The following LRRIQ3 variants were observed in gnomAD, a reference collection of about 807,000 sequenced individuals.
The protein encoded by LRRIQ3 is leucine-rich repeat and IQ domain-containing protein 3.
Under a neutral mutation model 59.3 loss-of-function variants are expected in LRRIQ3, and 75 were observed. The ratio of observed to expected loss-of-function variants is 1.26; its 90% CI spans 1.05 to 1.53. LRRIQ3 has a LOEUF of 1.53. Ranked by LOEUF, LRRIQ3 falls within the 40% of genes most tolerant of loss-of-function variation. The pLI is 0.00. For missense variants in LRRIQ3, 831 were observed against 710.0 expected (o/e 1.17, Z -1.94); for synonymous variants, 250 against 231.3 (o/e 1.08, Z -0.73).
intron 5 of LRRIQ3, among the ~76,000 whole-genome samples, chr1:74,099,319 A>C (rs2100536908): frequency 6.6e-6 from 1 of 152,308 alleles, no homozygotes; most frequent in African/African-American, 2.4e-5. Context: ...AAATGGATAA[A>C]TTCCTCGACC....
At chr1:74,194,868 A>C (rs1651000439) in intron 1 of LRRIQ3, among the ~76,000 whole-genome samples, 1 of 152,188 alleles carries the variant, frequency 6.6e-6, no homozygotes, top group African/African-American at 2.4e-5. Flanking sequence ...CATTAATTAA[A>C]ATTTAATTCT....
intron 4 of LRRIQ3, among the ~76,000 whole-genome samples, chr1:74,133,963 CTTTT>C (rs1029533083): frequency 6.6e-6 from 1 of 151,882 alleles, no homozygotes; most frequent in African/African-American, 2.4e-5. Flanking sequence ...ACACTCAATG[CTTTT>C]TTTAACTTTA....
intron 4 of LRRIQ3, among the ~76,000 whole-genome samples, chr1:74,145,342 T>C (rs972472909): frequency 6.6e-6 from 1 of 152,150 alleles, no homozygotes; most frequent in Admixed American, 6.5e-5. Flanking sequence ...GAATGCTCTC[T>C]GGTGGAGTTG....
intron 4 of LRRIQ3, among the ~76,000 whole-genome samples, chr1:74,112,579 A>G (rs1246176207): frequency 6.6e-6 from 1 of 152,180 alleles, no homozygotes; most frequent in Non-Finnish European, 1.5e-5. Context: ...AGAACAATCA[A>G]CCAGCAATTA....
chr1:74,104,458 A>G (rs1646580346), intron 5 of LRRIQ3, among the ~76,000 whole-genome samples: 2 of 152,076 alleles, frequency 1.3e-5, no homozygotes, highest in Admixed American at 6.6e-5. Context: ...AGGTGAACGC[A>G]TGATCTTTCA....
At position 74,183,615 on chromosome 1, in the gene LRRIQ3, T is replaced by A. The variant is rs546235327; in HGVS notation, c.70A>T (p.Arg24Ter). Reference protein sequence around the residue: ...EEWSHYNENIREGQKDFVFVK... With the variant: ...EEWSHYNENI ...AAAACAAAATCTTTTTGACCTTCTC[T>A]TATGTTTTCATTATAGTGACTCCAT... The change falls in exon 2 of 8, where the codon AGA becomes TGA. Residue 24 changes from arginine to a stop codon, truncating the protein, a stop_gained. Transcript: ENST00000354431. LOFTEE classifies it high-confidence loss of function. 1 of 1,612,164 alleles carries A rather than the reference T, an allele frequency of 6.2e-7. No homozygotes were observed. The highest frequency in any genetic ancestry group is 1.1e-5 in the South Asian group (1 of 90,918).
At chr1:74,142,386 T>C (rs1428326568) in intron 4 of LRRIQ3, among the ~76,000 whole-genome samples, 2 of 151,994 alleles carry the variant, frequency 1.3e-5, no homozygotes, top group African/African-American at 2.4e-5. Flanking sequence ...AATTTTAGCA[T>C]ATTCTCCTCC....
intron 3 of LRRIQ3, among the ~76,000 whole-genome samples, chr1:74,172,922 C>T (rs1649415148): frequency 6.6e-6 from 1 of 151,972 alleles, no homozygotes; most frequent in Non-Finnish European, 1.5e-5. Flanking sequence ...TATGTTTTTC[C>T]ATTTCTTTCC....
chr1:74,176,738 TA>T (rs1042336137), intron 3 of LRRIQ3, among the ~76,000 whole-genome samples: 11 of 152,220 alleles, frequency 7.2e-5, no homozygotes, highest in Admixed American at 4.6e-4. Flanking sequence ...CCAGCAATGG[TA>T]AAAGTCTTGA....
intron 4 of LRRIQ3, among the ~76,000 whole-genome samples, chr1:74,153,374 G>C (rs1435292354): frequency 6.6e-6 from 1 of 152,082 alleles, no homozygotes; most frequent in Non-Finnish European, 1.5e-5. Context: ...TGGGTGTGAG[G>C]AGACATTTCT....
intron 6 of LRRIQ3, among the ~76,000 whole-genome samples, chr1:74,059,347 CTCTTT>C (rs998551925): frequency 6.6e-6 from 1 of 151,792 alleles, no homozygotes; most frequent in African/African-American, 2.4e-5. Flanking sequence ...CTCCCATCTT[CTCTTT>C]TAAGACATTT....
chr1:74,116,651 G>C (rs1646780617), intron 4 of LRRIQ3, among the ~76,000 whole-genome samples: 1 of 152,028 alleles, frequency 6.6e-6, no homozygotes, highest in South Asian at 2.1e-4. Flanking sequence ...ATACAAGGAA[G>C]TGAGCATCAA....
intron 4 of LRRIQ3, among the ~76,000 whole-genome samples, chr1:74,147,611 C>T (rs926341351): frequency 6.6e-6 from 1 of 152,158 alleles, no homozygotes. Flanking sequence ...ATTTAAAAGG[C>T]ATGTATTATT....
chr1:74,063,993 C>A, intron 6 of LRRIQ3, among the ~76,000 whole-genome samples: 1 of 151,568 alleles, frequency 6.6e-6, no homozygotes, highest in East Asian at 1.9e-4. Context: ...CTAGGGCTTG[C>A]AATAGATATA....
chr1:74,080,443 GAT>G (rs1399764925), intron 5 of LRRIQ3, among the ~76,000 whole-genome samples: 1 of 151,640 alleles, frequency 6.6e-6, no homozygotes, highest in African/African-American at 2.4e-5. Context: ...TCCCAAGAGA[GAT>G]AATGATTTAT....
intron 1 of LRRIQ3, among the ~76,000 whole-genome samples, chr1:74,190,287 T>C (rs536003111): frequency 1.3e-5 from 2 of 151,924 alleles, no homozygotes; most frequent in South Asian, 4.2e-4. Flanking sequence ...CAAGAACAAA[T>C]GGATAATGTA....
chr1:74,121,816 G>A, intron 4 of LRRIQ3, among the ~76,000 whole-genome samples: 1 of 141,324 alleles, frequency 7.1e-6, no homozygotes, highest in Non-Finnish European at 1.5e-5. Context: ...TCCCACCTAT[G>A]AGTGAGAACA....
At chr1:74,086,712 T>C (rs1487410484) in intron 5 of LRRIQ3, among the ~76,000 whole-genome samples, 2 of 152,104 alleles carry the variant, frequency 1.3e-5, no homozygotes, top group Admixed American at 6.6e-5. Flanking sequence ...GAACATGAGT[T>C]AGGCAGATGT....
At chr1:74,176,719 T>G (rs1649664200) in intron 3 of LRRIQ3, among the ~76,000 whole-genome samples, 1 of 152,150 alleles carries the variant, frequency 6.6e-6, no homozygotes, top group African/African-American at 2.4e-5. Flanking sequence ...GGGGTAGCCT[T>G]GTTATCACCC....
Sources: gnomAD v4.1 joint callset for allele counts (sites outside exome capture counted in the v4.1 genomes callset) on GRCh38, gnomAD v4.1.1 for gene constraint, MANE v1.5 for transcripts, NCBI Gene and HGNC (gene_info 2026-07-23, HGNC 2026-07-21) for gene names.